The following ROBO2 variants were observed in gnomAD, a reference collection of about 807,000 sequenced individuals.
ROBO2 encodes roundabout homolog 2.
A neutral mutation model predicts 160.8 loss-of-function variants in ROBO2; 53 were observed. The ratio of observed to expected loss-of-function variants is 0.33; its 90% CI spans 0.26 to 0.41. ROBO2 has a LOEUF of 0.41. Among genes scored for constraint, ROBO2 ranks in the 10% least tolerant of loss-of-function variants. ROBO2 has a pLI of 1.00. For synonymous variants in ROBO2, 664 were observed against 611.7 expected (o/e 1.09, Z -1.26); for missense variants, 1,577 against 1,722.4 (o/e 0.92, Z 1.49).
At chr3:76,575,642 CAATTCATTCTT>C (rs1472936985) in intron 2 of ROBO2, among the ~76,000 whole-genome samples, 2 of 152,018 alleles carry the variant, frequency 1.3e-5, no homozygotes, top group Non-Finnish European at 2.9e-5. Context: ...GAAAGACAAG[CAATTCATTCTT>C]TATCTTTCTT....
chr3:76,640,041 T>A (rs2090570886), intron 2 of ROBO2, among the ~76,000 whole-genome samples: 1 of 152,196 alleles, frequency 6.6e-6, no homozygotes, highest in Non-Finnish European at 1.5e-5. Flanking sequence ...AGGTTTAGCA[T>A]TTTTTAACTG....
chr3:77,260,345 G>C (rs545163495), intron 2 of ROBO2, among the ~76,000 whole-genome samples: 1 of 152,200 alleles, frequency 6.6e-6, no homozygotes, highest in East Asian at 1.9e-4. Context: ...GATCTCTAAG[G>C]GAGGTGATAA....
At chr3:77,476,086 G>A (rs1582277727) in intron 2 of ROBO2, among the ~76,000 whole-genome samples, 1 of 152,110 alleles carries the variant, frequency 6.6e-6, no homozygotes, top group South Asian at 2.1e-4. Flanking sequence ...CATGTTAAAG[G>A]GTGTGTTGCA....
intron 2 of ROBO2, among the ~76,000 whole-genome samples, chr3:76,227,277 C>T (rs558688826): frequency 1.5e-3 from 232 of 152,246 alleles, no homozygotes; most frequent in Middle Eastern, 0.014. Context: ...GCCATTATTG[C>T]GAAGAGTACC....
chr3:77,549,265 C>T (rs1674934309), intron 7 of ROBO2, among the ~76,000 whole-genome samples: 1 of 151,986 alleles, frequency 6.6e-6, no homozygotes, highest in African/African-American at 2.4e-5. Flanking sequence ...TAAAGCCCAT[C>T]TGATATATTA....
intron 2 of ROBO2, among the ~76,000 whole-genome samples, chr3:76,422,507 C>A (rs772553452): frequency 6.6e-6 from 1 of 152,150 alleles, no homozygotes; most frequent in Admixed American, 6.5e-5. Flanking sequence ...AAACTACTTG[C>A]GTGTTTGATC....
intron 6 of ROBO2, among the ~76,000 whole-genome samples, chr3:77,543,708 T>A (rs1228203701): frequency 6.6e-6 from 1 of 152,276 alleles, no homozygotes; most frequent in East Asian, 1.9e-4. Flanking sequence ...TTGATTTCAT[T>A]TGATGATTTC....
At chr3:77,581,311 T>G (rs812328) in intron 16 of ROBO2, among the ~76,000 whole-genome samples, 1 of 151,860 alleles carries the variant, frequency 6.6e-6, no homozygotes, top group Non-Finnish European at 1.5e-5. Context: ...TGAACAAAAG[T>G]ATTACATTTT....
At chr3:76,938,791 G>T (rs888094368) in intron 2 of ROBO2, among the ~76,000 whole-genome samples, 2 of 151,996 alleles carry the variant, frequency 1.3e-5, no homozygotes, top group African/African-American at 4.8e-5. Flanking sequence ...CCAACATGGA[G>T]AAACCCCGTC....
At chr3:77,507,401 T>C (rs1038902886) in intron 5 of ROBO2, among the ~76,000 whole-genome samples, 1 of 152,156 alleles carries the variant, frequency 6.6e-6, no homozygotes, top group Non-Finnish European at 1.5e-5. Context: ...GCCAAATAGA[T>C]GGCACATTCG....
chr3:76,348,083 G>A (rs1006607531), intron 2 of ROBO2, among the ~76,000 whole-genome samples: 1 of 142,574 alleles, frequency 7.0e-6, no homozygotes, highest in Non-Finnish European at 1.5e-5. Context: ...CACACAGTCA[G>A]TATCAGTCTT....
chr3:77,240,377 C>T (rs565395771), intron 2 of ROBO2, among the ~76,000 whole-genome samples: 4 of 152,314 alleles, frequency 2.6e-5, no homozygotes, highest in South Asian at 2.1e-4. Context: ...GTCGCCCGCT[C>T]CGAGTGGGCC....
exon 1 of ROBO2, chr3:75,906,831 G>A (rs1265162818): frequency 6.6e-6 from 1 of 152,340 alleles, no homozygotes; most frequent in African/African-American, 2.4e-5. Context: ...CCGGGGAGCA[G>A]CGGGAGCAGC....
intron 2 of ROBO2, among the ~76,000 whole-genome samples, chr3:76,353,520 G>T (rs778938558): frequency 6.6e-6 from 1 of 151,894 alleles, no homozygotes; most frequent in Non-Finnish European, 1.5e-5. Flanking sequence ...CATCTGCTTT[G>T]TTGCCTAACA....
intron 2 of ROBO2, among the ~76,000 whole-genome samples, chr3:77,020,644 A>G (rs2062574018): frequency 6.6e-6 from 1 of 152,202 alleles, no homozygotes; most frequent in Non-Finnish European, 1.5e-5. Context: ...ATCAACAACC[A>G]AATGAAATTG....
intron 2 of ROBO2, among the ~76,000 whole-genome samples, chr3:76,590,200 A>G (rs2086327185): frequency 2.6e-5 from 4 of 152,326 alleles, no homozygotes; most frequent in Admixed American, 2.0e-4. Context: ...AACTTTAGAT[A>G]AAAGTCAAAA....
intron 2 of ROBO2, among the ~76,000 whole-genome samples, chr3:77,390,279 T>C (rs561723229): frequency 6.6e-6 from 1 of 152,292 alleles, no homozygotes; most frequent in South Asian, 2.1e-4. Flanking sequence ...GAGAAAAAGT[T>C]CCAGTCAAGT....
At chr3:76,129,662 CA>C (rs1217010202) in intron 2 of ROBO2, among the ~76,000 whole-genome samples, 1 of 151,922 alleles carries the variant, frequency 6.6e-6, no homozygotes, top group Non-Finnish European at 1.5e-5. Flanking sequence ...GGTTTATGTG[CA>C]AAAAACATAC....
intron 2 of ROBO2, among the ~76,000 whole-genome samples, chr3:77,365,795 G>C (rs1006412807): frequency 6.6e-6 from 1 of 152,080 alleles, no homozygotes. Flanking sequence ...CATGCATGAC[G>C]TGATTTATTC....
Sources: allele counts gnomAD v4.1 joint callset (sites outside exome capture counted in the v4.1 genomes callset), GRCh38; gene constraint gnomAD v4.1.1; transcripts MANE v1.5; gene names NCBI Gene and HGNC (gene_info 2026-07-23, HGNC 2026-07-21).